FUT8: variants seen among roughly 807,000 people sequenced by gnomAD.
FUT8 encodes the protein alpha-(1,6)-fucosyltransferase.
FUT8 carries 29 observed loss-of-function variants against 71.3 expected under a neutral mutation model. The ratio of observed to expected loss-of-function variants is 0.41; its 90% CI spans 0.30 to 0.55. FUT8 has a LOEUF of 0.55. Among genes scored for constraint, FUT8 ranks in the 20% least tolerant of loss-of-function variants. FUT8 has a pLI of 0.34. For synonymous variants in FUT8, 254 were observed against 239.3 expected (o/e 1.06, Z -0.57); for missense variants, 544 against 702.1 (o/e 0.77, Z 2.55).
the FUT8 span, among the ~76,000 whole-genome samples, chr14:65,395,849 A>G: frequency 6.6e-6 from 1 of 152,224 alleles, no homozygotes. Flanking sequence ...AATTTTCCGA[A>G]CTTTTATGCT....
chr14:65,584,241 C>T (rs1200872477), intron 3 of FUT8, among the ~76,000 whole-genome samples: 3 of 148,106 alleles, frequency 2.0e-5, no homozygotes, highest in African/African-American at 5.0e-5. Context: ...TGCAGTGGTG[C>T]GATCTTGGCT....
chr14:65,432,612 T>C (rs1228030498), intron 1 of FUT8, among the ~76,000 whole-genome samples: 2 of 152,132 alleles, frequency 1.3e-5, no homozygotes, highest in African/African-American at 2.4e-5. Flanking sequence ...CAGGATGAGA[T>C]AGGAGGTCGG....
chr14:65,540,159 A>C (rs1481881278), intron 2 of FUT8, among the ~76,000 whole-genome samples: 1 of 152,198 alleles, frequency 6.6e-6, no homozygotes, highest in Non-Finnish European at 1.5e-5. Context: ...AACTTTTCTC[A>C]ACATCAGTAG....
At chr14:65,599,457 G>C (rs1888183842) in intron 3 of FUT8, among the ~76,000 whole-genome samples, 1 of 152,150 alleles carries the variant, frequency 6.6e-6, no homozygotes, top group Non-Finnish European at 1.5e-5. Context: ...GTTTGGTTAT[G>C]AGTATTTTTA....
At chr14:65,558,655 G>C (rs747688460) in intron 2 of FUT8, among the ~76,000 whole-genome samples, 4 of 152,134 alleles carry the variant, frequency 2.6e-5, no homozygotes, top group Non-Finnish European at 5.9e-5. Context: ...ACAATAAACA[G>C]TAACCATAAG....
At chr14:65,529,988 A>T (rs1468143835) in intron 2 of FUT8, among the ~76,000 whole-genome samples, 1 of 151,858 alleles carries the variant, frequency 6.6e-6, no homozygotes, top group Non-Finnish European at 1.5e-5. Flanking sequence ...CTACATCATA[A>T]TTTTTCTTTC....
chr14:65,426,898 GC>G, intron 1 of FUT8, among the ~76,000 whole-genome samples: 1 of 151,654 alleles, frequency 6.6e-6, no homozygotes, highest in Non-Finnish European at 1.5e-5. Flanking sequence ...TCTCTTTGTC[GC>G]CCAGGCTGGA....
At chr14:65,390,729 T>TC in the FUT8 span, among the ~76,000 whole-genome samples, 2 of 150,316 alleles carry the variant, frequency 1.3e-5, no homozygotes, top group African/African-American at 2.4e-5. Context: ...CCTATTCTTT[T>TC]TTTTTTTTTT....
intron 3 of FUT8, among the ~76,000 whole-genome samples, chr14:65,611,656 T>TTCTG (rs915767021): frequency 1.3e-5 from 2 of 152,024 alleles, no homozygotes; most frequent in African/African-American, 4.8e-5. Flanking sequence ...TTAAAATTTT[T>TTCTG]TCTTTCTTTC....
intron 9 of FUT8, among the ~76,000 whole-genome samples, chr14:65,726,882 T>C (rs1895712153): frequency 6.6e-6 from 1 of 152,080 alleles, no homozygotes; most frequent in Admixed American, 6.6e-5. Flanking sequence ...GGTACAGGCA[T>C]TGGATAAATA....
At chr14:65,668,974 A>C (rs1168536660) in intron 6 of FUT8, among the ~76,000 whole-genome samples, 3 of 152,170 alleles carry the variant, frequency 2.0e-5, no homozygotes, top group Admixed American at 6.6e-5. Flanking sequence ...TGGGAGCTAA[A>C]CATTGAGTAC....
chr14:65,423,970 C>T (rs147878874), intron 1 of FUT8, among the ~76,000 whole-genome samples: 150 of 152,246 alleles, frequency 9.9e-4, no homozygotes, highest in Non-Finnish European at 1.6e-3. Context: ...TGAAGTAGCA[C>T]GCAACTGCAG....
chr14:65,513,505 A>G (rs1465705875), intron 2 of FUT8, among the ~76,000 whole-genome samples: 1 of 152,218 alleles, frequency 6.6e-6, no homozygotes, highest in African/African-American at 2.4e-5. Context: ...CCTTAAAAAC[A>G]ACTACCAGGT....
intron 9 of FUT8, among the ~76,000 whole-genome samples, chr14:65,729,879 A>G (rs1030512353): frequency 2.6e-5 from 4 of 152,200 alleles, no homozygotes; most frequent in African/African-American, 9.6e-5. Flanking sequence ...TTATAAATAT[A>G]GTAGTAGCCT....
At chr14:65,441,111 T>G (rs1277695696) in intron 1 of FUT8, among the ~76,000 whole-genome samples, 2 of 152,194 alleles carry the variant, frequency 1.3e-5, no homozygotes, top group Non-Finnish European at 2.9e-5. Flanking sequence ...ATTTCTTATT[T>G]AGATAACTAG....
chr14:65,723,764 A>G (rs1895546597), intron 8 of FUT8, among the ~76,000 whole-genome samples: 1 of 152,218 alleles, frequency 6.6e-6, no homozygotes, highest in Non-Finnish European at 1.5e-5. Context: ...AACAACTGTG[A>G]ATCCTGGTAT....
chr14:65,591,257 G>A (rs1466550793), intron 3 of FUT8, among the ~76,000 whole-genome samples: 1 of 152,070 alleles, frequency 6.6e-6, no homozygotes. Context: ...TGGTCTATAT[G>A]GGTTTCTCTT....
intron 9 of FUT8, among the ~76,000 whole-genome samples, chr14:65,727,393 C>T (rs1242571635): frequency 6.6e-6 from 1 of 152,206 alleles, no homozygotes; most frequent in Non-Finnish European, 1.5e-5. Context: ...GTTCCCAAAC[C>T]TCAGTTCCTG....
At chr14:65,524,742 A>T (rs1594735908) in intron 2 of FUT8, among the ~76,000 whole-genome samples, 1 of 152,156 alleles carries the variant, frequency 6.6e-6, no homozygotes, top group Admixed American at 6.6e-5. Context: ...TTTTGAGATA[A>T]GTCCCATCAA....
Sources: gnomAD v4.1 joint callset for allele counts (sites outside exome capture counted in the v4.1 genomes callset) on GRCh38, gnomAD v4.1.1 for gene constraint, MANE v1.5 for transcripts, NCBI Gene and HGNC (gene_info 2026-07-23, HGNC 2026-07-21) for gene names.